Variants in MVK observed in about 807,000 individuals in gnomAD.
The protein encoded by MVK is LH receptor mRNA-binding protein.
Under a neutral mutation model 43.2 loss-of-function variants are expected in MVK, and 34 were observed. The observed-to-expected ratio is 0.79, with a 90% CI of 0.60 to 1.05. The LOEUF is 1.05. MVK is among the 50% of genes least tolerant of loss of function. The pLI is 0.00. For synonymous variants in MVK, 190 were observed against 219.8 expected (o/e 0.86, Z 1.20); for missense variants, 395 against 504.0 (o/e 0.78, Z 2.07).
At chr12:109,594,255 G>A (rs995204286) in intron 9 of MVK, among the ~76,000 whole-genome samples, 2 of 152,166 alleles carry the variant, frequency 1.3e-5, no homozygotes, top group Non-Finnish European at 2.9e-5. Flanking sequence ...TGGGTGCCTG[G>A]GCAGTGGAAG....
intron 3 of MVK, 66 bp downstream of exon 3, chr12:109,576,211 C>T (rs1320838500): frequency 4.1e-5 from 65 of 1,604,866 alleles, no homozygotes; most frequent in Non-Finnish European, 5.3e-5. Context: ...GCCAGGTATT[C>T]TGGGCTGTCC....
chr12:109,590,476 C>G, intron 7 of MVK: 2 of 466,836 alleles, frequency 4.3e-6, no homozygotes, highest in African/African-American at 2.0e-5. Flanking sequence ...CCCCTATCCC[C>G]TCTCTGGCCC....
intron 4 of MVK, among the ~76,000 whole-genome samples, chr12:109,580,346 A>C (rs1318501734): frequency 6.6e-6 from 1 of 152,156 alleles, no homozygotes; most frequent in African/African-American, 2.4e-5. Flanking sequence ...CATGTGATCC[A>C]ACTGCCTTGG....
chr12:109,574,116 A>G (rs1424088494), intron 1 of MVK, among the ~76,000 whole-genome samples: 1 of 152,212 alleles, frequency 6.6e-6, no homozygotes, highest in Non-Finnish European at 1.5e-5. Flanking sequence ...GTACACCTGA[A>G]TCTTAGCGTA....
chr12:109,580,705 G>T (rs1482202362), intron 4 of MVK, among the ~76,000 whole-genome samples: 2 of 152,220 alleles, frequency 1.3e-5, no homozygotes, highest in Non-Finnish European at 2.9e-5. Context: ...AATGGGAAAA[G>T]CACTTCGTGG....
In MVK at chr12:109,573,855, G is replaced by A. The variant is rs886048930; in HGVS notation, c.-33G>A. The stretch of plus-strand genomic sequence containing the variant: ...TCGGCGCGGAGGGGCGGCGGCCGGG[G>A]AGGCGGCGGCGGCGGCAGGTGAGAG... On this transcript the variant is annotated 5_prime_UTR_variant, in exon 1 of 11. Coordinates refer to ENST00000228510, the MANE Select transcript of MVK (RefSeq NM_000431.4). The A allele has an allele frequency of 9.4e-6, 2 of 212,708 alleles. No homozygotes were observed. Among genetic ancestry groups the A allele is most frequent in the Non-Finnish European group, 1.8e-5 (2 of 108,694 alleles). 13.2% of individuals were successfully genotyped at this position (212,708 alleles called of 1,614,324 possible).
upstream of MVK, chr12:109,573,623 G>GA: frequency 1.0e-6 from 1 of 1,000,190 alleles, no homozygotes; most frequent in Admixed American, 2.0e-5. Flanking sequence ...GACACTCCCA[G>GA]GGACTTGTTT....
intron 7 of MVK, chr12:109,590,418 C>G: frequency 2.7e-6 from 1 of 370,036 alleles, no homozygotes; most frequent in Non-Finnish European, 5.2e-6. Context: ...TACCCTTCCT[C>G]AGTTCTCAGT....
chr12:109,596,284 C>G, intron 10 of MVK, 142 bp from the exon 11 acceptor site: 1 of 1,238,452 alleles, frequency 8.1e-7, no homozygotes, highest in Admixed American at 2.0e-5. Flanking sequence ...TGCAGGTAAC[C>G]TTGGGCTTTA....
intron 9 of MVK, among the ~76,000 whole-genome samples, chr12:109,592,974 C>T (rs566231077): frequency 1.5e-4 from 23 of 152,332 alleles, no homozygotes; most frequent in East Asian, 5.8e-4. Context: ...CAGAACAGCA[C>T]GTTGATTATA....
intron 9 of MVK, among the ~76,000 whole-genome samples, chr12:109,592,310 C>T (rs72648035): frequency 1.3e-5 from 2 of 152,214 alleles, no homozygotes; most frequent in Admixed American, 1.3e-4. Context: ...CCCAGGCTCC[C>T]CCTGGACACA....
chr12:109,596,284 C>A, intron 10 of MVK, 142 bp from the exon 11 acceptor site: 1 of 1,238,452 alleles, frequency 8.1e-7, no homozygotes, highest in Non-Finnish European at 1.1e-6. Flanking sequence ...TGCAGGTAAC[C>A]TTGGGCTTTA....
chr12:109,591,920 C>A (rs191903358), intron 9 of MVK, among the ~76,000 whole-genome samples: 1 of 152,174 alleles, frequency 6.6e-6, no homozygotes, highest in African/African-American at 2.4e-5. Flanking sequence ...TCCACTTCTG[C>A]TGGACGTGTG....
At chr12:109,591,071 T>A (rs955130005) in intron 8 of MVK, among the ~76,000 whole-genome samples, 170 bp from the exon 9 acceptor site, 2 of 152,134 alleles carry the variant, frequency 1.3e-5, no homozygotes, top group Non-Finnish European at 2.9e-5. Context: ...TTAGACACAC[T>A]GACTTTGCAG....
At chr12:109,586,533 G>A (rs1885441078) in intron 6 of MVK, among the ~76,000 whole-genome samples, 1 of 152,194 alleles carries the variant, frequency 6.6e-6, no homozygotes, top group Admixed American at 6.5e-5. Context: ...TCTGGAGGGA[G>A]GGGGACCCAG....
intron 9 of MVK, among the ~76,000 whole-genome samples, chr12:109,592,522 G>A (rs1003349484): frequency 1.2e-4 from 19 of 152,196 alleles, no homozygotes; most frequent in Admixed American, 9.2e-4. Context: ...CCGGTCCCCC[G>A]TGGGCATTCG....
At chr12:109,590,889 T>A (rs1423890126) in intron 8 of MVK, 28 bp downstream of exon 8, 2 of 1,606,214 alleles carry the variant, frequency 1.2e-6, no homozygotes, top group Non-Finnish European at 1.7e-6. Flanking sequence ...CTTGGGCAGG[T>A]TTCAGGAAGG....
In MVK at chr12:109,581,473, G is replaced by T. The variant is rs201123232; in HGVS notation, c.450G>T (p.Ser150=). Residue 150 remains serine, a synonymous_variant, in exon 5 of 11, where the codon TCG becomes TCT. Transcript: ENST00000228510. ...GCTTGGGCTCCAGCGCCGCCTACTCGGTGTGTCTGGCAGCAGCCCTCCTGA... is the reference window on the plus strand; with the variant it reads ...GCTTGGGCTCCAGCGCCGCCTACTCTGTGTGTCTGGCAGCAGCCCTCCTGA... ...GAGLGSSAAY[S]VCLAAALLTV... is the part of the protein sequence containing the mutation. 1 of 1,614,166 alleles carries T rather than the reference G, an allele frequency of 6.2e-7. No homozygotes were observed. Among genetic ancestry groups the T allele is most frequent in the South Asian group, 1.1e-5 (1 of 91,080 alleles).
chr12:109,596,781 G>C lies in MVK; in HGVS notation c.*204G>C. ...TGGTCTGCCCTCTGCATCCTCTGGA[G>C]CCAGCCGAGCAGGAGGCCTAGGAGG... On this transcript the variant is annotated 3_prime_UTR_variant, in exon 11 of 11. Transcript: ENST00000228510. The C allele has an allele frequency of 1.3e-6, 1 of 746,544 alleles. No homozygotes were observed. 46.2% of individuals were successfully genotyped at this position (746,544 alleles called of 1,614,324 possible).
Sources: allele counts gnomAD v4.1 joint callset (sites outside exome capture counted in the v4.1 genomes callset), GRCh38; gene constraint gnomAD v4.1.1; transcripts MANE v1.5; gene names NCBI Gene and HGNC (gene_info 2026-07-23, HGNC 2026-07-21).